The following CNTNAP5 variants were observed in gnomAD, a reference collection of about 807,000 sequenced individuals.
CNTNAP5 encodes contactin-associated protein-like 5.
CNTNAP5 carries 72 observed loss-of-function variants against 150.2 expected under a neutral mutation model. That is an observed-to-expected ratio of 0.48 (90% CI 0.40 to 0.58). The LOEUF is 0.58. CNTNAP5 is among the 20% of genes least tolerant of loss of function. CNTNAP5 has a pLI of 0.00. For missense variants in CNTNAP5, 1,636 were observed against 1,626.2 expected, an observed-to-expected ratio of 1.01 and a Z score of -0.10; for synonymous variants, 672 against 619.8, an observed-to-expected ratio of 1.08 and a Z score of -1.25.
At chr2:124,397,878 A>T (rs1691296487) in intron 3 of CNTNAP5, among the ~76,000 whole-genome samples, 1 of 120,772 alleles carries the variant, frequency 8.3e-6, no homozygotes, top group Non-Finnish European at 1.8e-5. Context: ...GAAATGAAGA[A>T]TGAAAAATCG....
intron 11 of CNTNAP5, among the ~76,000 whole-genome samples, chr2:124,589,202 C>A (rs1429459041): frequency 2.0e-5 from 3 of 152,114 alleles, no homozygotes; most frequent in Admixed American, 2.0e-4. Flanking sequence ...TCCCCTCCAC[C>A]ACCCCCAGCC....
chr2:124,466,561 C>G (rs1358047223), intron 6 of CNTNAP5, among the ~76,000 whole-genome samples: 1 of 152,098 alleles, frequency 6.6e-6, no homozygotes, highest in Non-Finnish European at 1.5e-5. Context: ...TTAAGTGAAT[C>G]GAATTTGTAC....
At chr2:124,312,762 G>A (rs1477871059) in intron 3 of CNTNAP5, among the ~76,000 whole-genome samples, 2 of 152,156 alleles carry the variant, frequency 1.3e-5, no homozygotes, top group Non-Finnish European at 2.9e-5. Context: ...AGTAGAGACG[G>A]GGTTTCACCA....
intron 7 of CNTNAP5, among the ~76,000 whole-genome samples, chr2:124,496,771 T>C (rs1006942688): frequency 6.6e-6 from 1 of 152,178 alleles, no homozygotes; most frequent in Non-Finnish European, 1.5e-5. Context: ...GATCTCACTG[T>C]CCCTACGGTA....
At chr2:124,546,941 C>T (rs768320296) in intron 10 of CNTNAP5, among the ~76,000 whole-genome samples, 9 of 152,094 alleles carry the variant, frequency 5.9e-5, no homozygotes, top group Admixed American at 1.3e-4. Context: ...AAGTCCAGCA[C>T]GCTGAGTCCA....
chr2:124,041,926 A>G (rs952380859), intron 1 of CNTNAP5, among the ~76,000 whole-genome samples: 27 of 152,094 alleles, frequency 1.8e-4, no homozygotes, highest in African/African-American at 6.3e-4. Flanking sequence ...CAGTGGGGCC[A>G]TCTCACCTCA....
chr2:124,461,590 G>T (rs1344631026), intron 6 of CNTNAP5, among the ~76,000 whole-genome samples: 1 of 151,546 alleles, frequency 6.6e-6, no homozygotes, highest in Admixed American at 6.6e-5. Context: ...TGACGAGTTA[G>T]TGGGTGCAGC....
chr2:124,783,732 G>A (rs986301613), intron 17 of CNTNAP5, among the ~76,000 whole-genome samples: 3 of 152,074 alleles, frequency 2.0e-5, no homozygotes, highest in Non-Finnish European at 2.9e-5. Context: ...GCATGTAGAA[G>A]GTTTGATATT....
chr2:124,849,231 G>A (rs1444395929), intron 19 of CNTNAP5, among the ~76,000 whole-genome samples: 1 of 152,070 alleles, frequency 6.6e-6, no homozygotes, highest in Non-Finnish European at 1.5e-5. Context: ...TAAAGAGGTT[G>A]TCCTTTTTTA....
chr2:124,887,581 A>G (rs928008174), intron 21 of CNTNAP5, among the ~76,000 whole-genome samples: 3 of 152,164 alleles, frequency 2.0e-5, no homozygotes, highest in Admixed American at 6.6e-5. Context: ...TTTTACACAT[A>G]CCGCTTAGTG....
intron 1 of CNTNAP5, among the ~76,000 whole-genome samples, chr2:124,100,245 A>G (rs986330063): frequency 8.5e-5 from 13 of 152,118 alleles, no homozygotes; most frequent in African/African-American, 3.1e-4. Context: ...TCTCAGGGAC[A>G]GCACCAAGAA....
At chr2:124,537,962 G>T (rs1363389922) in intron 10 of CNTNAP5, among the ~76,000 whole-genome samples, 1 of 152,176 alleles carries the variant, frequency 6.6e-6, no homozygotes, top group Non-Finnish European at 1.5e-5. Context: ...AGACGGTGGT[G>T]AGAATCCTTC....
In CNTNAP5 at chr2:124,763,814, G is replaced by A. The variant is rs547584099; in HGVS notation, c.2362+15G>A. On this transcript the variant is annotated intron_variant, in intron 15 of 23. Transcript: ENST00000682447. Reference sequence around the variant, plus strand: ...CTATGGTGACCGTGAGTACAAAATCGAAAGAAGCTTTCTCTCTGCATTACA... The same window carrying A: ...CTATGGTGACCGTGAGTACAAAATCAAAAGAAGCTTTCTCTCTGCATTACA... The A allele has an allele frequency of 2.5e-6, 4 of 1,612,288 alleles. No individual in the cohort carries two copies. Among genetic ancestry groups the A allele is most frequent in the East Asian group, 4.5e-5 (2 of 44,730 alleles).
chr2:124,906,354 G>C (rs1678537142), intron 22 of CNTNAP5, among the ~76,000 whole-genome samples: 2 of 152,088 alleles, frequency 1.3e-5, no homozygotes, highest in South Asian at 4.2e-4. Context: ...GTGATGAAGA[G>C]GCTAGGTCTG....
intron 2 of CNTNAP5, among the ~76,000 whole-genome samples, chr2:124,224,207 G>A (rs1407267105): frequency 6.6e-6 from 1 of 152,078 alleles, no homozygotes; most frequent in Non-Finnish European, 1.5e-5. Flanking sequence ...TGCTACATTG[G>A]AGGAATTCAT....
chr2:124,897,936 AGTGT>A (rs56154943), intron 21 of CNTNAP5, among the ~76,000 whole-genome samples: 35,232 of 141,820 alleles, frequency 0.25, 4,534 homozygotes, highest in Middle Eastern at 0.36. Context: ...GCAAATGCCA[AGTGT>A]GTGTGTGTGT....
At chr2:124,812,055 ATTATATAATATATAAT>A (rs1418399400) in intron 19 of CNTNAP5, among the ~76,000 whole-genome samples, 2 of 75,570 alleles carry the variant, frequency 2.6e-5, no homozygotes, top group African/African-American at 1.1e-4. Flanking sequence ...ATATTTATAT[ATTATATAATATATAAT>A]TTATATTTAT....
At chr2:124,602,206 G>A (rs1573489737) in intron 11 of CNTNAP5, among the ~76,000 whole-genome samples, 1 of 151,892 alleles carries the variant, frequency 6.6e-6, no homozygotes, top group Non-Finnish European at 1.5e-5. Context: ...GCTGGGCATA[G>A]TGGCATGTGC....
intron 11 of CNTNAP5, among the ~76,000 whole-genome samples, chr2:124,588,210 T>TTC: frequency 6.7e-6 from 1 of 148,752 alleles, no homozygotes; most frequent in African/African-American, 2.5e-5. Flanking sequence ...CTTTCTTTCT[T>TTC]TCTTTCTTTC....
Sources: allele counts gnomAD v4.1 joint callset (sites outside exome capture counted in the v4.1 genomes callset), GRCh38; gene constraint gnomAD v4.1.1; transcripts MANE v1.5; gene names NCBI Gene and HGNC (gene_info 2026-07-23, HGNC 2026-07-21).